Variants in CIP2A observed in about 807,000 individuals in gnomAD.
CIP2A encodes cellular inhibitor of PP2A.
CIP2A carries 103 observed loss-of-function variants against 110.9 expected under a neutral mutation model. That is an observed-to-expected ratio of 0.93 (90% CI 0.79 to 1.09). The LOEUF (loss-of-function observed/expected upper bound fraction) is 1.09, where lower values mean the gene tolerates loss of function less well. Among genes scored for constraint, CIP2A ranks in the 50% least tolerant of loss-of-function variants. The pLI is 0.00. For missense variants in CIP2A, 1,088 were observed against 1,038.4 expected (o/e 1.05, Z -0.66); for synonymous variants, 381 against 361.6 (o/e 1.05, Z -0.61).
chr3:108,576,390 T>C (rs777580148), intron 7 of CIP2A, 44 bp from the exon 8 acceptor site: 1 of 1,019,312 alleles, frequency 9.8e-7, no homozygotes. Context: ...AAATATAAAA[T>C]TGATACATCA....
At chr3:108,580,144 T>A (rs1271020759) in intron 5 of CIP2A, among the ~76,000 whole-genome samples, 1 of 152,220 alleles carries the variant, frequency 6.6e-6, no homozygotes, top group Non-Finnish European at 1.5e-5. Context: ...CTCTCATAAT[T>A]GTGGTGGAAG....
intron 12 of CIP2A, 140 bp from the exon 13 acceptor site, chr3:108,563,384 G>C: frequency 1.6e-6 from 1 of 624,968 alleles, no homozygotes. Context: ...ATATATTATA[G>C]TCTATATAGT....
intron 19 of CIP2A, 62 bp downstream of exon 19, chr3:108,553,586 A>T: frequency 7.1e-7 from 1 of 1,415,026 alleles, no homozygotes; most frequent in Non-Finnish European, 9.6e-7. Flanking sequence ...AAACAAAACC[A>T]CTCATGCTTC....
rs767293818 is a variant in CIP2A at position 108,560,776 on chromosome 3, T to C, written c.1700A>G (p.Lys567Arg). The change falls in exon 14 of 21, where the codon AAA (lysine) becomes AGA (arginine). Residue 567 changes from lysine to arginine, a missense_variant. Coordinates refer to ENST00000295746, the MANE Select transcript of CIP2A (RefSeq NM_020890.3). ...GTGATTTGATGATTGCCAGGGCATT[T>C]TTCTGGGTATATGTTCTGTTTCCTG... is the stretch of plus-strand genomic sequence containing the variant. ...RQQETEHIPR[K>R]MPWQSSNHSF... is the part of the protein sequence containing the mutation. The C allele has an allele frequency of 3.7e-6, 6 of 1,613,294 alleles. No homozygotes were observed. Among genetic ancestry groups the C allele is most frequent in the Non-Finnish European group, 5.1e-6 (6 of 1,179,490 alleles).
At chr3:108,570,883 ACT>A (rs1938381402) in intron 8 of CIP2A, among the ~76,000 whole-genome samples, 2 of 152,118 alleles carry the variant, frequency 1.3e-5, no homozygotes, top group African/African-American at 2.4e-5. Flanking sequence ...AAAGTTTTTG[ACT>A]CTTTTGTAGT....
intron 7 of CIP2A, among the ~76,000 whole-genome samples, chr3:108,578,499 A>G (rs34513723): frequency 0.14 from 19,321 of 141,880 alleles, 1,675 homozygotes; most frequent in East Asian, 0.52. Flanking sequence ...CTTAGCTTTC[A>G]TTAAAATAAA....
chr3:108,575,301 T>C (rs200840849), intron 8 of CIP2A, among the ~76,000 whole-genome samples: 3 of 138,064 alleles, frequency 2.2e-5, no homozygotes, highest in African/African-American at 3.5e-5. Flanking sequence ...CACACACGTG[T>C]ACGTACACAC....
In CIP2A at chr3:108,583,043, A is replaced by G. The variant is rs773352893; in HGVS notation, c.291T>C (p.Tyr97=). The G allele has an allele frequency of 1.2e-6, 2 of 1,604,704 alleles. No homozygotes were observed. The highest frequency in any genetic ancestry group is 2.2e-5 in the South Asian group (2 of 89,068). ...IETRDCLQNT[Y]NLNSVLAGVV... is the part of the protein sequence containing the mutation. ...CTCCCGCCAGCACACTATTCAGATTATATGTATTCTGAAGACAATCTCTGG... is the reference window on the plus strand; with the variant it reads ...CTCCCGCCAGCACACTATTCAGATTGTATGTATTCTGAAGACAATCTCTGG... Residue 97 remains tyrosine (Y), a synonymous_variant, in exon 3 of 21, where the codon TAT becomes TAC. Transcript: ENST00000295746.
intron 4 of CIP2A, among the ~76,000 whole-genome samples, 188 bp downstream of exon 4, chr3:108,581,920 A>G (rs1296164123): frequency 6.6e-6 from 1 of 152,162 alleles, no homozygotes; most frequent in Non-Finnish European, 1.5e-5. Flanking sequence ...TTTTTCACCA[A>G]TGAATGAGGT....
chr3:108,555,317 G>A (rs1398461136), intron 17 of CIP2A, among the ~76,000 whole-genome samples: 2 of 152,088 alleles, frequency 1.3e-5, no homozygotes, highest in African/African-American at 4.8e-5. Flanking sequence ...GGAAAATAAA[G>A]GAAAATCCTG....
rs1163273978 is a variant in CIP2A, at chr3:108,550,414, C to T, written c.*735G>A. 1 of 151,158 alleles carries T rather than the reference C, an allele frequency of 6.6e-6. No individual in the cohort carries two copies. The highest frequency in any genetic ancestry group is 1.5e-5 in the Non-Finnish European group (1 of 67,594). 9.4% of individuals were successfully genotyped at this position (151,158 alleles called of 1,614,324 possible). A position where few individuals can be genotyped will look rare whatever the true frequency, so the allele number is the denominator to read the frequency against. On this transcript the variant is annotated 3_prime_UTR_variant, in exon 21 of 21. Coordinates refer to ENST00000295746, the MANE Select transcript of CIP2A (RefSeq NM_020890.3). The stretch of plus-strand genomic sequence containing the variant: ...ATAATTAATTATAGATGATCTGGAC[C>T]ACTATGCAACATTTGAAAAAAGAGA...
intron 19 of CIP2A, 147 bp from the exon 20 acceptor site, chr3:108,552,520 C>T: frequency 2.2e-6 from 1 of 450,090 alleles, no homozygotes; most frequent in Non-Finnish European, 3.8e-6. Context: ...ATAGAAAATA[C>T]CAAATCTCCA....
At chr3:108,555,110 T>C (rs984668665) in intron 17 of CIP2A, among the ~76,000 whole-genome samples, 3 of 152,204 alleles carry the variant, frequency 2.0e-5, no homozygotes, top group Admixed American at 1.3e-4. Context: ...CAAATGACCT[T>C]TTCCCCAGCC....
At chr3:108,557,478 T>C in intron 16 of CIP2A, 64 bp from the exon 17 acceptor site, 1 of 1,234,146 alleles carries the variant, frequency 8.1e-7, no homozygotes, top group Non-Finnish European at 1.1e-6. Flanking sequence ...AACACATACC[T>C]ACAATTTAAA....
chr3:108,569,948 A>C (rs1246105994), intron 8 of CIP2A, among the ~76,000 whole-genome samples: 2 of 152,064 alleles, frequency 1.3e-5, no homozygotes, highest in Non-Finnish European at 2.9e-5. Context: ...AAAAACCCTA[A>C]AAAATAAAAT....
intron 18 of CIP2A, among the ~76,000 whole-genome samples, 164 bp from the exon 19 acceptor site, chr3:108,553,894 T>TACAAA (rs1303036231): frequency 0.014 from 720 of 49,696 alleles, 252 homozygotes; most frequent in African/African-American, 0.021. Context: ...CTACTAAAAA[T>TACAAA]ATAAAAAAAA....
intron 8 of CIP2A, 86 bp from the exon 9 acceptor site, chr3:108,569,693 C>T (rs1292470459): frequency 1.0e-4 from 102 of 986,950 alleles, no homozygotes; most frequent in Non-Finnish European, 1.5e-4. Flanking sequence ...GAAAATGCTA[C>T]ATATTTTAAA....
Position 108,560,632 on chromosome 3 carries a change from G to A in CIP2A, c.1827+17C>T, listed in dbSNP as rs753805864. The A allele has an allele frequency of 1.5e-5, 23 of 1,528,068 alleles. 1 individual carries two copies. The South Asian group carries it at 2.8e-4, about 18-fold the overall frequency. The allele number at this position is 1,528,068 out of a possible 1,614,324, so 94.7% of individuals were successfully genotyped here. A position where few individuals can be genotyped will look rare whatever the true frequency, so the allele number is the denominator to read the frequency against. On this transcript the variant is annotated intron_variant, in intron 14 of 20. Coordinates refer to ENST00000295746, the MANE Select transcript of CIP2A (RefSeq NM_020890.3). ...AGCTAATATGTACCAGGTTATAATT[G>A]CTATTTTTTCACTCACCACCATTCC...
chr3:108,557,010 A>G (rs1320124369), intron 17 of CIP2A, among the ~76,000 whole-genome samples: 4 of 152,182 alleles, frequency 2.6e-5, no homozygotes, highest in African/African-American at 9.6e-5. Flanking sequence ...GTCAACTGGA[A>G]AGACCTGTAT....
Sources: gnomAD v4.1 joint callset for allele counts (sites outside exome capture counted in the v4.1 genomes callset) on GRCh38, gnomAD v4.1.1 for gene constraint, MANE v1.5 for transcripts, NCBI Gene and HGNC (gene_info 2026-07-23, HGNC 2026-07-21) for gene names.